ESF1: variants seen among roughly 807,000 people sequenced by gnomAD.
ESF1 encodes ESF1 nucleolar pre-rRNA processing protein, also known as ESF1 homolog.
ESF1 carries 58 observed loss-of-function variants against 92.0 expected under a neutral mutation model. The ratio of observed to expected loss-of-function variants is 0.63; its 90% CI spans 0.51 to 0.78. The LOEUF is 0.78. Ranked by LOEUF, ESF1 falls within the 30% of genes least tolerant of loss-of-function variation. ESF1 has a pLI of 0.00. For synonymous variants in ESF1, 321 were observed against 313.7 expected (o/e 1.02, Z -0.24); for missense variants, 922 against 989.1 (o/e 0.93, Z 0.91).
At chr20:13,740,464 T>C (rs1384320877) in intron 9 of ESF1, among the ~76,000 whole-genome samples, 3 of 151,940 alleles carry the variant, frequency 2.0e-5, no homozygotes, top group Non-Finnish European at 4.4e-5. Context: ...AGTGAAGAAA[T>C]TACCCAGCAC....
At chr20:13,725,162 A>C (rs2049893213) in intron 11 of ESF1, among the ~76,000 whole-genome samples, 1 of 152,318 alleles carries the variant, frequency 6.6e-6, no homozygotes, top group African/African-American at 2.4e-5. Flanking sequence ...CTATCTGCTC[A>C]TGCAGATTAT....
chr20:13,726,346 G>A (rs1246915360), intron 11 of ESF1, among the ~76,000 whole-genome samples: 4 of 152,066 alleles, frequency 2.6e-5, no homozygotes, highest in South Asian at 2.1e-4. Flanking sequence ...TTCCCTCTCC[G>A]ACAATGCTCC....
chr20:13,760,717 T>A (rs958119389), intron 8 of ESF1, among the ~76,000 whole-genome samples: 1 of 137,904 alleles, frequency 7.3e-6, no homozygotes, highest in Admixed American at 7.2e-5. Context: ...AGGCGGGGGG[T>A]CAGCCCCCAC....
intron 2 of ESF1, among the ~76,000 whole-genome samples, chr20:13,778,934 G>A (rs1980060745): frequency 1.3e-5 from 2 of 152,056 alleles, no homozygotes; most frequent in African/African-American, 2.4e-5. Flanking sequence ...TGGTCCCAGT[G>A]ACTCGGAAGG....
At position 13,730,071 on chromosome 20, in the gene ESF1, C is replaced by T. The variant is rs1170777619; in HGVS notation, c.1951-1606G>A. 2.0e-5 allele frequency among the ~76,000 whole-genome samples: 3 copies of T among 151,676 alleles called. No individual in the cohort carries two copies. The East Asian group carries it at 5.8e-4, about 29-fold the overall frequency. Reference sequence around the variant, plus strand: ...ATTAATGTCCTTTTAAGAACAAGTGCTTCTGGCTTTTTTTTTTGAGACAAG... The same window carrying T: ...ATTAATGTCCTTTTAAGAACAAGTGTTTCTGGCTTTTTTTTTTGAGACAAG... On this transcript the variant is annotated intron_variant, in intron 10 of 13. Transcript: ENST00000617257.
chr20:13,730,636 G>A (rs1237065318), intron 10 of ESF1, among the ~76,000 whole-genome samples: 2 of 151,152 alleles, frequency 1.3e-5, no homozygotes, highest in African/African-American at 2.4e-5. Context: ...CGCCCGCCTC[G>A]GCCTCCCAAA....
chr20:13,753,180 T>C (rs1978717032), intron 9 of ESF1, among the ~76,000 whole-genome samples: 1 of 152,042 alleles, frequency 6.6e-6, no homozygotes. Context: ...CCCAAAACAA[T>C]GCCGAACATC....
At chr20:13,766,965 A>G in intron 7 of ESF1, 41 bp from the exon 8 acceptor site, 1 of 1,593,400 alleles carries the variant, frequency 6.3e-7, no homozygotes, top group Non-Finnish European at 8.6e-7. Flanking sequence ...ACGAAAATGG[A>G]AATGTCAGCT....
intron 9 of ESF1, among the ~76,000 whole-genome samples, chr20:13,735,764 A>C (rs902148506): frequency 6.6e-6 from 1 of 152,112 alleles, no homozygotes; most frequent in Admixed American, 6.5e-5. Flanking sequence ...CTAATATAGA[A>C]ATTTTTTCAC....
intron 9 of ESF1, among the ~76,000 whole-genome samples, chr20:13,750,627 T>C (rs1439344899): frequency 6.6e-6 from 1 of 152,246 alleles, no homozygotes; most frequent in Admixed American, 6.5e-5. Flanking sequence ...TCAGTATTTC[T>C]GAGCTTTCAA....
intron 2 of ESF1, among the ~76,000 whole-genome samples, chr20:13,777,961 T>C (rs953803550): frequency 8.5e-5 from 13 of 152,226 alleles, no homozygotes; most frequent in Non-Finnish European, 1.6e-4. Flanking sequence ...ATACAAAGAA[T>C]TGAGCTAGGA....
chr20:13,774,454 A>G (rs1360155374), intron 4 of ESF1, among the ~76,000 whole-genome samples: 1 of 152,220 alleles, frequency 6.6e-6, no homozygotes, highest in East Asian at 1.9e-4. Flanking sequence ...GGGAGACTCA[A>G]TCTCTAATAA....
intron 2 of ESF1, among the ~76,000 whole-genome samples, chr20:13,780,268 A>G (rs1980118716): frequency 6.6e-6 from 1 of 152,226 alleles, no homozygotes; most frequent in South Asian, 2.1e-4. Context: ...AAATTAAATG[A>G]GAAAAGATAT....
chr20:13,742,683 C>G (rs1453733468), intron 9 of ESF1, among the ~76,000 whole-genome samples: 1 of 151,860 alleles, frequency 6.6e-6, no homozygotes, highest in East Asian at 1.9e-4. Flanking sequence ...AATGGATGAC[C>G]TACAGCTACA....
In ESF1 at chr20:13,771,446, G is replaced by T. The variant is rs140974832; in HGVS notation, c.1288C>A (p.Arg430=). ...REKLRDYQFK[R]LKYYYAVVDC... ...ACTACTGCATAATAGTACTTCAGTC[G>T]TTTGAATTGATAATCTCTCAATTTT... The change falls in exon 6 of 14, where the codon CGA becomes AGA. Residue 430 remains arginine, a synonymous_variant. Coordinates refer to ENST00000617257, the MANE Select transcript of ESF1 (RefSeq NM_001276380.2). 23 of 1,612,924 alleles carry T rather than the reference G, an allele frequency of 1.4e-5. No individual in the cohort carries two copies. The highest frequency in any genetic ancestry group is 1.9e-5 in the Non-Finnish European group (22 of 1,179,386).
chr20:13,724,919 C>G lies in ESF1; in HGVS notation c.2038+3459G>C, dbSNP rs373588005. Among the ~76,000 whole-genome samples the G allele has an allele frequency of 2.6e-5, 4 of 152,186 alleles. No individual in the cohort carries two copies. The East Asian group carries it at 7.7e-4, about 29-fold the overall frequency. ...TAAAAGGGACATGCTCCTTTTGTGG[C>G]TCAGCTGGTTCTCTCTTTCTCTGCC... On this transcript the variant is annotated intron_variant, in intron 11 of 13. Transcript: ENST00000617257.
intron 9 of ESF1, among the ~76,000 whole-genome samples, chr20:13,747,712 G>GTA (rs2147747488): frequency 0.016 from 2 of 128 alleles, no homozygotes; most frequent in South Asian, 0.33. Context: ...TCTGAGAAAT[G>GTA]TGTAGGCATT....
chr20:13,723,071 A>C (rs558295044), intron 11 of ESF1, among the ~76,000 whole-genome samples: 1 of 152,194 alleles, frequency 6.6e-6, no homozygotes, highest in African/African-American at 2.4e-5. Flanking sequence ...TGTAAAAATA[A>C]AATTCATCTG....
chr20:13,753,498 A>G (rs1978734619), intron 9 of ESF1, among the ~76,000 whole-genome samples: 1 of 150,886 alleles, frequency 6.6e-6, no homozygotes, highest in Non-Finnish European at 1.5e-5. Flanking sequence ...AAATTCTTCC[A>G]GAACCTGATG....
Sources: allele counts gnomAD v4.1 joint callset (sites outside exome capture counted in the v4.1 genomes callset), GRCh38; gene constraint gnomAD v4.1.1; transcripts MANE v1.5; gene names NCBI Gene and HGNC (gene_info 2026-07-23, HGNC 2026-07-21).